Variants in FTO observed in about 807,000 individuals in gnomAD.
FTO encodes the protein alpha-ketoglutarate-dependent dioxygenase FTO.
Under a neutral mutation model 63.9 loss-of-function variants are expected in FTO, and 47 were observed. The ratio of observed to expected loss-of-function variants is 0.74; its 90% CI spans 0.58 to 0.94. The LOEUF (loss-of-function observed/expected upper bound fraction) is 0.94. FTO is among the 40% of genes least tolerant of loss of function. The pLI is 0.00. For missense variants in FTO, 562 were observed against 618.1 expected, an observed-to-expected ratio of 0.91 and a Z score of 0.96; for synonymous variants, 207 against 224.4, an observed-to-expected ratio of 0.92 and a Z score of 0.69.
chr16:53,896,002 G>GCA (rs367907488), intron 7 of FTO, among the ~76,000 whole-genome samples: 1 of 151,850 alleles, frequency 6.6e-6, no homozygotes. Context: ...ACGCACATGT[G>GCA]CACACACACA....
chr16:53,864,782 A>G lies in FTO; in HGVS notation c.896-9004A>G, dbSNP rs569078424. Among the ~76,000 whole-genome samples the G allele has an allele frequency of 3.9e-5, 6 of 152,322 alleles. 1 individual carries two copies. The highest frequency in any genetic ancestry group is 1.4e-4 in the African/African-American group (6 of 41,588). On this transcript the variant is annotated intron_variant, in intron 4 of 8. Coordinates refer to ENST00000471389, the MANE Select transcript of FTO (RefSeq NM_001080432.3). ...GGGAGGGTCTTAAGTATATCCTTTG[A>G]GATGCACAATCCATGAAGCTTGTGT...
At chr16:54,100,342 T>G (rs2086611533) in intron 8 of FTO, among the ~76,000 whole-genome samples, 1 of 152,126 alleles carries the variant, frequency 6.6e-6, no homozygotes, top group Non-Finnish European at 1.5e-5. Context: ...ATCTTTATTA[T>G]TGTGGGGTTT....
intron 8 of FTO, among the ~76,000 whole-genome samples, chr16:53,973,959 T>C (rs2083384468): frequency 6.6e-6 from 1 of 152,194 alleles, no homozygotes; most frequent in Admixed American, 6.5e-5. Flanking sequence ...CTCTAGCCAA[T>C]GGCTTCTCTT....
chr16:53,832,080 G>A (rs1232712373), intron 3 of FTO, among the ~76,000 whole-genome samples: 5 of 152,060 alleles, frequency 3.3e-5, no homozygotes, highest in African/African-American at 1.2e-4. Context: ...GGCAGAGCAG[G>A]GGAGAAATGT....
chr16:53,859,787 C>G (rs560720436), intron 4 of FTO, among the ~76,000 whole-genome samples: 19 of 152,202 alleles, frequency 1.2e-4, no homozygotes, highest in African/African-American at 4.6e-4. Flanking sequence ...CAATAGATAA[C>G]AAGTGTTGGT....
At chr16:53,970,243 A>G (rs908835933) in intron 8 of FTO, among the ~76,000 whole-genome samples, 1 of 152,156 alleles carries the variant, frequency 6.6e-6, no homozygotes, top group Non-Finnish European at 1.5e-5. Flanking sequence ...TCCCTTAATC[A>G]TATGGACTAG....
chr16:54,087,591 C>A (rs2086279047), intron 8 of FTO, among the ~76,000 whole-genome samples: 1 of 152,130 alleles, frequency 6.6e-6, no homozygotes, highest in Non-Finnish European at 1.5e-5. Flanking sequence ...ATCACTGAAC[C>A]AACAAGTTCG....
chr16:53,962,720 G>T (rs1189296724), intron 8 of FTO, among the ~76,000 whole-genome samples: 3 of 152,140 alleles, frequency 2.0e-5, no homozygotes, highest in Admixed American at 2.0e-4. Flanking sequence ...AGTTTGTGAG[G>T]TCCCAAATAT....
At chr16:53,769,281 C>T (rs999317428) in intron 1 of FTO, among the ~76,000 whole-genome samples, 7 of 152,044 alleles carry the variant, frequency 4.6e-5, no homozygotes, top group Non-Finnish European at 5.9e-5. Context: ...CTTGATTCTC[C>T]GCATTTATAG....
At chr16:53,953,331 C>T (rs781428223) in intron 8 of FTO, among the ~76,000 whole-genome samples, 2 of 152,184 alleles carry the variant, frequency 1.3e-5, no homozygotes, top group African/African-American at 4.8e-5. Context: ...TTGTCTGGCC[C>T]CACCATTTTC....
At chr16:54,025,361 G>A (rs1353010031) in intron 8 of FTO, among the ~76,000 whole-genome samples, 1 of 152,200 alleles carries the variant, frequency 6.6e-6, no homozygotes, top group Non-Finnish European at 1.5e-5. Flanking sequence ...CTAAATGATT[G>A]TAGACACCTT....
chr16:53,891,334 T>A (rs908621137), intron 7 of FTO, among the ~76,000 whole-genome samples: 17 of 143,546 alleles, frequency 1.2e-4, no homozygotes, highest in African/African-American at 4.5e-4. Flanking sequence ...AAAAATTGTT[T>A]TTGTTCAAGA....
intron 1 of FTO, among the ~76,000 whole-genome samples, chr16:53,766,534 T>C (rs929165305): frequency 1.3e-5 from 2 of 152,188 alleles, no homozygotes; most frequent in Non-Finnish European, 1.5e-5. Flanking sequence ...AGCAACTAGA[T>C]TGTGACCATT....
chr16:53,778,444 A>C (rs1184815224), intron 1 of FTO, among the ~76,000 whole-genome samples: 1 of 152,210 alleles, frequency 6.6e-6, no homozygotes, highest in East Asian at 1.9e-4. Flanking sequence ...TGGCTTGATT[A>C]GTGACAAGGC....
chr16:53,783,285 A>C (rs920217501), intron 1 of FTO, among the ~76,000 whole-genome samples: 2 of 151,852 alleles, frequency 1.3e-5, no homozygotes, highest in Non-Finnish European at 2.9e-5. Context: ...TCCGAGACCA[A>C]CCCGGCCAAG....
At position 53,793,164 on chromosome 16, in the gene FTO, G is replaced by A. The variant is rs371522036; in HGVS notation, c.46-16976G>A. On this transcript the variant is annotated intron_variant, in intron 1 of 8. Coordinates refer to ENST00000471389, the MANE Select transcript of FTO (RefSeq NM_001080432.3). Reference sequence around the variant, plus strand: ...TCTTTGGCCCTTAGTAAAGGATCCAGCATTTTGTTTTGTTTTTGCTTATGT... The same window carrying A: ...TCTTTGGCCCTTAGTAAAGGATCCAACATTTTGTTTTGTTTTTGCTTATGT... Among the ~76,000 whole-genome samples, 235 of 152,186 alleles carry A rather than the reference G, an allele frequency of 1.5e-3. 1 individual carries two copies. Among genetic ancestry groups the A allele is most frequent in the African/African-American group, 5.4e-3 (223 of 41,528 alleles).
intron 7 of FTO, among the ~76,000 whole-genome samples, chr16:53,908,030 G>A (rs950417561): frequency 3.9e-5 from 6 of 152,186 alleles, no homozygotes; most frequent in Non-Finnish European, 8.8e-5. Context: ...CATTAAAGTT[G>A]CTGAAGTGGT....
intron 8 of FTO, among the ~76,000 whole-genome samples, chr16:53,955,537 T>C (rs1289345371): frequency 6.6e-6 from 1 of 151,678 alleles, no homozygotes; most frequent in Non-Finnish European, 1.5e-5. Context: ...GAAGGAGGGG[T>C]CACATTTTAG....
At chr16:53,838,872 G>A (rs2151805605) in intron 3 of FTO, among the ~76,000 whole-genome samples, 1 of 152,060 alleles carries the variant, frequency 6.6e-6, no homozygotes, top group Admixed American at 6.5e-5. Context: ...TTAAATGTAT[G>A]GTGATGATGA....
Sources: allele counts gnomAD v4.1 joint callset (sites outside exome capture counted in the v4.1 genomes callset), GRCh38; gene constraint gnomAD v4.1.1; transcripts MANE v1.5; gene names NCBI Gene and HGNC (gene_info 2026-07-23, HGNC 2026-07-21).